Variants in NKAIN2 observed in about 807,000 individuals in gnomAD.
NKAIN2 encodes the protein sodium/potassium-transporting ATPase subunit beta-1-interacting protein 2.
A neutral mutation model predicts 32.6 loss-of-function variants in NKAIN2; 14 were observed. That is an observed-to-expected ratio of 0.43 (90% CI 0.28 to 0.67). The LOEUF (loss-of-function observed/expected upper bound fraction) is 0.67. Ranked by LOEUF, NKAIN2 falls within the 30% of genes least tolerant of loss-of-function variation. The probability of loss-of-function intolerance (pLI) is 0.17; values close to 1 mark genes in which losing one functional copy is unlikely to be tolerated. For missense variants in NKAIN2, 198 were observed against 258.3 expected (o/e 0.77, Z 1.60); for synonymous variants, 80 against 87.2 (o/e 0.92, Z 0.46).
intron 1 of NKAIN2, among the ~76,000 whole-genome samples, chr6:124,013,373 C>T (rs1031386110): frequency 2.6e-5 from 4 of 152,030 alleles, no homozygotes; most frequent in South Asian, 4.1e-4. Flanking sequence ...AAATCTTTGC[C>T]GAGCCCAAAG....
intron 2 of NKAIN2, among the ~76,000 whole-genome samples, chr6:124,288,313 T>G (rs944568626): frequency 2.0e-4 from 30 of 152,192 alleles, no homozygotes; most frequent in African/African-American, 7.2e-4. Context: ...GAGGCACAGT[T>G]CAGAGACCCA....
intron 1 of NKAIN2, among the ~76,000 whole-genome samples, chr6:124,212,048 A>G (rs1392687834): frequency 2.0e-5 from 3 of 152,102 alleles, no homozygotes; most frequent in Non-Finnish European, 1.5e-5. Flanking sequence ...AGAACAGAAT[A>G]TGATTATTTC....
intron 1 of NKAIN2, among the ~76,000 whole-genome samples, chr6:123,883,586 C>T (rs974276778): frequency 6.6e-6 from 1 of 151,634 alleles, no homozygotes; most frequent in Non-Finnish European, 1.5e-5. Context: ...CTGAGGCGTC[C>T]CCAGTCATGC....
In NKAIN2 at chr6:124,791,192, A is replaced by G; in HGVS notation, c.475-147A>G. The G allele has an allele frequency of 5.8e-6, 3 of 516,756 alleles. No homozygotes were observed. In the South Asian group the frequency reaches 1.1e-4, roughly 20 times the overall value. 32.0% of individuals were successfully genotyped at this position (516,756 alleles called of 1,614,324 possible). A position where few individuals can be genotyped will look rare whatever the true frequency, so the allele number is the denominator to read the frequency against. ...AGCATCATTTGAATGAGGAATCCAC[A>G]CTGAAGTCAAGGTCCAGTCCGATGA... On this transcript the variant is annotated intron_variant, in intron 4 of 6. Transcript: ENST00000368417.
chr6:124,491,889 G>C (rs946920509), intron 3 of NKAIN2, among the ~76,000 whole-genome samples: 1 of 151,896 alleles, frequency 6.6e-6, no homozygotes, highest in Admixed American at 6.6e-5. Context: ...AACAAGAGTA[G>C]TATCTGCATA....
At chr6:123,875,957 A>G (rs1172502539) in intron 1 of NKAIN2, among the ~76,000 whole-genome samples, 1 of 152,100 alleles carries the variant, frequency 6.6e-6, no homozygotes. Flanking sequence ...AGGAAGTTTC[A>G]GGGCAGTCTC....
chr6:124,040,147 C>T (rs904525561), intron 1 of NKAIN2, among the ~76,000 whole-genome samples: 1 of 151,922 alleles, frequency 6.6e-6, no homozygotes, highest in Non-Finnish European at 1.5e-5. Flanking sequence ...GGGGAGTGAG[C>T]CTTAAATTTT....
intron 4 of NKAIN2, among the ~76,000 whole-genome samples, chr6:124,753,848 C>T (rs1341084993): frequency 1.3e-5 from 2 of 152,002 alleles, no homozygotes; most frequent in African/African-American, 4.8e-5. Flanking sequence ...GAAATACTCC[C>T]TAATAAAGAG....
chr6:124,152,305 A>T (rs146809332), intron 1 of NKAIN2, among the ~76,000 whole-genome samples: 142 of 152,116 alleles, frequency 9.3e-4, no homozygotes, highest in African/African-American at 3.3e-3. Context: ...CTGTTTCATT[A>T]GTCTAATTGT....
chr6:124,103,856 G>A (rs995177265), intron 1 of NKAIN2, among the ~76,000 whole-genome samples: 1 of 152,092 alleles, frequency 6.6e-6, no homozygotes, highest in Non-Finnish European at 1.5e-5. Flanking sequence ...GAGAGGCCGA[G>A]GTGGGCGGAT....
At chr6:124,341,406 A>G (rs1178692725) in intron 2 of NKAIN2, among the ~76,000 whole-genome samples, 5 of 152,174 alleles carry the variant, frequency 3.3e-5, no homozygotes, top group Non-Finnish European at 7.4e-5. Context: ...CATAGGAAAA[A>G]GAATGGAAAC....
At position 124,305,729 on chromosome 6, in the gene NKAIN2, T is replaced by G. The variant is rs570936287; in HGVS notation, c.192+22587T>G. Among the ~76,000 whole-genome samples, 6 of 152,320 alleles carry G rather than the reference T, an allele frequency of 3.9e-5. No homozygotes were observed. The South Asian group carries it at 1.2e-3, about 32-fold the overall frequency. ...CACTTTCTATCTTATGTTCTTAGCT[T>G]TGCTCATCTTTTAGACATTTTCTTG... On this transcript the variant is annotated intron_variant, in intron 2 of 6. Coordinates refer to ENST00000368417, the MANE Select transcript of NKAIN2 (RefSeq NM_001040214.3).
intron 1 of NKAIN2, among the ~76,000 whole-genome samples, chr6:123,891,871 T>G (rs1440214145): frequency 6.6e-6 from 1 of 152,166 alleles, no homozygotes; most frequent in Non-Finnish European, 1.5e-5. Context: ...GAAAATAGCC[T>G]TATTATTGGT....
chr6:124,067,141 G>A (rs532864805), intron 1 of NKAIN2, among the ~76,000 whole-genome samples: 5 of 152,050 alleles, frequency 3.3e-5, no homozygotes, highest in African/African-American at 4.8e-5. Flanking sequence ...GCTCTTCCAA[G>A]TTCTTCTCTC....
intron 2 of NKAIN2, among the ~76,000 whole-genome samples, chr6:124,352,709 C>G (rs1798787893): frequency 6.6e-6 from 1 of 152,104 alleles, no homozygotes; most frequent in African/African-American, 2.4e-5. Context: ...AGTGATAAAA[C>G]ATTATAATCA....
intron 1 of NKAIN2, among the ~76,000 whole-genome samples, chr6:124,213,972 A>G (rs1294595450): frequency 1.3e-5 from 2 of 152,216 alleles, no homozygotes; most frequent in East Asian, 3.8e-4. Flanking sequence ...CAAATAGCCA[A>G]AGAATATTTC....
chr6:124,632,085 CA>C (rs1783590904), intron 3 of NKAIN2, among the ~76,000 whole-genome samples: 1 of 152,000 alleles, frequency 6.6e-6, no homozygotes, highest in East Asian at 1.9e-4. Context: ...ATGTGATTTC[CA>C]ATTTCATATT....
intron 6 of NKAIN2, among the ~76,000 whole-genome samples, chr6:124,821,573 A>T (rs1003405503): frequency 1.3e-5 from 2 of 152,196 alleles, no homozygotes; most frequent in Non-Finnish European, 2.9e-5. Flanking sequence ...ATTAAATTGC[A>T]TAAGGACAAA....
At chr6:124,100,898 T>C (rs944223285) in intron 1 of NKAIN2, among the ~76,000 whole-genome samples, 8 of 152,220 alleles carry the variant, frequency 5.3e-5, no homozygotes, top group African/African-American at 1.9e-4. Flanking sequence ...GGCTGTCTTC[T>C]TGGAATTTGA....
Sources: gnomAD v4.1 joint callset for allele counts (sites outside exome capture counted in the v4.1 genomes callset) on GRCh38, gnomAD v4.1.1 for gene constraint, MANE v1.5 for transcripts, NCBI Gene and HGNC (gene_info 2026-07-23, HGNC 2026-07-21) for gene names.